GINS1: variants seen among roughly 807,000 people sequenced by gnomAD.
GINS1 encodes the protein DNA replication complex GINS protein PSF1.
GINS1 carries 26 observed loss-of-function variants against 34.9 expected under a neutral mutation model. That is an observed-to-expected ratio of 0.74 (90% confidence interval 0.55 to 1.03). GINS1 has a LOEUF of 1.03. Ranked by LOEUF, GINS1 falls within the 50% of genes least tolerant of loss-of-function variation. The pLI is 0.00. For missense variants in GINS1, 235 were observed against 237.9 expected, an observed-to-expected ratio of 0.99 and a Z score of 0.08; for synonymous variants, 97 against 84.4, an observed-to-expected ratio of 1.15 and a Z score of -0.82.
At chr20:25,421,010 A>G in intron 4 of GINS1, 1 of 965,584 alleles carries the variant, frequency 1.0e-6, no homozygotes, top group Non-Finnish European at 1.2e-6. Flanking sequence ...AGCTTATAGG[A>G]GCCTATGAGG....
intron 1 of GINS1, chr20:25,411,221 A>G (rs906461987): frequency 6.6e-6 from 1 of 152,188 alleles, no homozygotes; most frequent in African/African-American, 2.4e-5. Context: ...ACTGCAGTGA[A>G]CTGTGGTCAC....
At chr20:25,422,516 T>C (rs7274585) in intron 4 of GINS1, among the ~76,000 whole-genome samples, 2,280 of 152,182 alleles carry the variant, frequency 0.015, 52 homozygotes, top group African/African-American at 0.046. Flanking sequence ...ACTTGAGCTT[T>C]GGAGGTAGAG....
At chr20:25,408,006 G>T in intron 1 of GINS1, 111 bp downstream of exon 1, 1 of 737,008 alleles carries the variant, frequency 1.4e-6, no homozygotes, top group Non-Finnish European at 2.4e-6. Flanking sequence ...TCCGAGCTCC[G>T]GAAAACTTGG....
At chr20:25,429,712 T>C (rs1471824412) in intron 5 of GINS1, among the ~76,000 whole-genome samples, 2 of 152,216 alleles carry the variant, frequency 1.3e-5, no homozygotes, top group East Asian at 3.8e-4. Flanking sequence ...TCTAAAAGTT[T>C]TTTGTGGAAT....
chr20:25,413,748 T>C (rs1377574934), intron 1 of GINS1, 42 bp from the exon 2 acceptor site: 2 of 1,092,260 alleles, frequency 1.8e-6, no homozygotes, highest in East Asian at 4.7e-5. Flanking sequence ...ACAGAATTGG[T>C]GGGGAAATCA....
At chr20:25,441,637 T>G in intron 5 of GINS1, 65 bp from the exon 6 acceptor site, 1 of 769,646 alleles carries the variant, frequency 1.3e-6, no homozygotes, top group Non-Finnish European at 2.3e-6. Flanking sequence ...TAATGCTGAT[T>G]TATTTTTTGG....
intron 5 of GINS1, among the ~76,000 whole-genome samples, chr20:25,437,988 G>A (rs940007587): frequency 9.2e-5 from 14 of 151,810 alleles, no homozygotes; most frequent in African/African-American, 2.9e-4. Flanking sequence ...GCGTGGTGGC[G>A]GGCACCCGTA....
In GINS1 at chr20:25,417,190, C is replaced by T. The variant is rs1366402520; in HGVS notation, c.227C>T (p.Thr76Ile). ...TCTCTGTTAAGAAATCGACGCTGCA[C>T]TGTAGCATACCTGTAAGCTTCTCAG... The part of the protein sequence containing the change: ...HCSLLRNRRC[T>I]VAYLYDRLLR... Residue 76 changes from threonine to isoleucine, a missense_variant, in exon 3 of 7, where the codon ACT becomes ATT. By Grantham distance (89) the Thr-to-Ile change is moderately conservative. Coordinates refer to ENST00000262460, the MANE Select transcript of GINS1 (RefSeq NM_021067.5). 35 of 1,538,864 alleles carry T rather than the reference C, an allele frequency of 2.3e-5. No individual in the cohort carries two copies. The highest frequency in any genetic ancestry group is 3.1e-5 in the Non-Finnish European group (34 of 1,113,190).
Position 25,418,157 on chromosome 20 carries a change from T to C in GINS1, c.292T>C (p.Leu98=). The change falls in exon 4 of 7, where the codon TTG becomes CTG. Residue 98 remains leucine (L), a synonymous_variant. Coordinates refer to ENST00000262460, the MANE Select transcript of GINS1 (RefSeq NM_021067.5). ...RALRWEYGSV[L]PNALRFHMAA... is the part of the protein sequence containing the mutation. ...ACTCAGATGGGAATATGGTAGCGTC[T>C]TGCCAAATGCATTACGATTTCACAT... 1 of 1,603,022 alleles carries C rather than the reference T, an allele frequency of 6.2e-7. No individual in the cohort carries two copies. The highest frequency in any genetic ancestry group is 8.5e-7 in the Non-Finnish European group (1 of 1,169,664).
At position 25,446,718 on chromosome 20, in the gene GINS1, T is replaced by C. The variant is rs2146230397; in HGVS notation, c.*727T>C. On this transcript the variant is annotated 3_prime_UTR_variant, in exon 7 of 7. Coordinates refer to ENST00000262460, the MANE Select transcript of GINS1 (RefSeq NM_021067.5). ...CTTGTGGCTATGGGGTGATCACCAG[T>C]ATCACCACTTTGGAAGGGGACAGTG... 6.6e-6 allele frequency: 1 copy of C among 152,356 alleles called. No homozygotes were observed. Among genetic ancestry groups the C allele is most frequent in the South Asian group, 2.1e-4 (1 of 4,824 alleles). 9.4% of individuals were successfully genotyped at this position (152,356 alleles called of 1,614,324 possible). A position where few individuals can be genotyped will look rare whatever the true frequency, so the allele number is the denominator to read the frequency against.
chr20:25,438,589 C>T (rs960605043), intron 5 of GINS1, among the ~76,000 whole-genome samples: 6 of 137,446 alleles, frequency 4.4e-5, no homozygotes, highest in Admixed American at 8.0e-5. Context: ...GGTACAATCT[C>T]GGCTCATTTG....
At position 25,446,109 on chromosome 20, in the gene GINS1, T is replaced by A; in HGVS notation, c.*118T>A. ...TAGAAGCTATAGACATTGTTTAAGA[T>A]AACTAAGAATACTTGGCTAAGAAGT... On this transcript the variant is annotated 3_prime_UTR_variant, in exon 7 of 7. Transcript: ENST00000262460. 1.8e-6 allele frequency: 1 copy of A among 547,364 alleles called. No individual in the cohort carries two copies. Among genetic ancestry groups the A allele is most frequent in the Non-Finnish European group, 3.3e-6 (1 of 305,876 alleles). The allele number at this position is 547,364 out of a possible 1,614,324, so 33.9% of individuals were successfully genotyped here.
At chr20:25,419,959 G>A (rs1164889014) in intron 4 of GINS1, among the ~76,000 whole-genome samples, 2 of 149,860 alleles carry the variant, frequency 1.3e-5, no homozygotes, top group Non-Finnish European at 3.0e-5. Context: ...AGCGCCTGGC[G>A]ATTAATATGT....
chr20:25,411,090 C>T (rs2090282021), intron 1 of GINS1: 1 of 152,032 alleles, frequency 6.6e-6, no homozygotes, highest in Non-Finnish European at 1.5e-5. Flanking sequence ...CTAGCCTGGG[C>T]AACATAGTGA....
chr20:25,435,528 G>C (rs1287730613), intron 5 of GINS1, among the ~76,000 whole-genome samples: 1 of 151,978 alleles, frequency 6.6e-6, no homozygotes, highest in African/African-American at 2.4e-5. Context: ...TGGAGGCCGA[G>C]GCAGGCAGAT....
At chr20:25,423,813 A>C (rs183693859) in intron 4 of GINS1, among the ~76,000 whole-genome samples, 102 of 151,736 alleles carry the variant, frequency 6.7e-4, no homozygotes, top group African/African-American at 2.4e-3. Flanking sequence ...ACGGGGTTTC[A>C]CCATGTTAGC....
intron 5 of GINS1, among the ~76,000 whole-genome samples, chr20:25,433,964 T>G (rs1192622858): frequency 6.6e-6 from 1 of 152,092 alleles, no homozygotes; most frequent in Non-Finnish European, 1.5e-5. Context: ...TTTAAATGTG[T>G]TAGTCACTGA....
intron 5 of GINS1, among the ~76,000 whole-genome samples, chr20:25,435,919 TCTC>T (rs2090452843): frequency 6.6e-6 from 1 of 150,744 alleles, no homozygotes; most frequent in Admixed American, 6.6e-5. Context: ...TTCATGCCAT[TCTC>T]CTGCCTCAGC....
intron 5 of GINS1, among the ~76,000 whole-genome samples, chr20:25,435,099 CTT>C (rs538343771): frequency 5.1e-4 from 78 of 152,244 alleles, no homozygotes; most frequent in African/African-American, 1.8e-3. Context: ...ATATTGAGAT[CTT>C]TATTTCTTCA....
Sources: gnomAD v4.1 joint callset for allele counts (sites outside exome capture counted in the v4.1 genomes callset) on GRCh38, gnomAD v4.1.1 for gene constraint, MANE v1.5 for transcripts, NCBI Gene and HGNC (gene_info 2026-07-23, HGNC 2026-07-21) for gene names.